CDH18: variants seen among roughly 807,000 people sequenced by gnomAD.
The protein encoded by CDH18 is cadherin-18.
A neutral mutation model predicts 67.9 loss-of-function variants in CDH18; 31 were observed. The ratio of observed to expected loss-of-function variants is 0.46; its 90% CI spans 0.34 to 0.62. The LOEUF is 0.62. Among genes scored for constraint, CDH18 ranks in the 20% least tolerant of loss-of-function variants. CDH18 has a pLI of 0.01. For missense variants in CDH18, 890 were observed against 975.5 expected, an observed-to-expected ratio of 0.91 and a Z score of 1.17; for synonymous variants, 362 against 347.2, an observed-to-expected ratio of 1.04 and a Z score of -0.48.
chr5:20,491,612 G>A (rs556124070), intron 1 of CDH18, among the ~76,000 whole-genome samples: 2 of 152,278 alleles, frequency 1.3e-5, no homozygotes, highest in East Asian at 3.9e-4. Flanking sequence ...TGTAGGACAA[G>A]TCCAAAGAGC....
chr5:20,316,050 T>G (rs184540170), intron 1 of CDH18, among the ~76,000 whole-genome samples: 23 of 152,240 alleles, frequency 1.5e-4, no homozygotes, highest in African/African-American at 5.3e-4. Flanking sequence ...GAAGACAGCA[T>G]TAATCCTGAC....
chr5:20,331,306 C>T (rs977508154), intron 1 of CDH18: 3 of 152,026 alleles, frequency 2.0e-5, no homozygotes, highest in African/African-American at 7.2e-5. Flanking sequence ...TTATTTTCCC[C>T]TCCCTTCCTT....
intron 2 of CDH18, among the ~76,000 whole-genome samples, chr5:20,040,845 A>T (rs1740356054): frequency 6.6e-6 from 1 of 152,180 alleles, no homozygotes; most frequent in African/African-American, 2.4e-5. Flanking sequence ...GGCTGGGCCA[A>T]TTGATCTCTA....
At chr5:20,545,478 G>T (rs1280082922) in intron 1 of CDH18, among the ~76,000 whole-genome samples, 1 of 152,140 alleles carries the variant, frequency 6.6e-6, no homozygotes, top group Non-Finnish European at 1.5e-5. Context: ...TGAAATCTAG[G>T]CTAAGGTTCC....
intron 2 of CDH18, 93 bp from the exon 3 acceptor site, chr5:19,839,335 T>C (rs916265279): frequency 1.6e-5 from 4 of 243,164 alleles, no homozygotes; most frequent in Non-Finnish European, 3.3e-5. Flanking sequence ...AATGTGATAC[T>C]GATAGGCAAA....
In CDH18 at chr5:20,250,279, AT is replaced by A. The variant is rs199537266; in HGVS notation, c.-518+5164del. On this transcript the variant is annotated intron_variant, in intron 2 of 14. Transcript: ENST00000507958. The stretch of plus-strand genomic sequence containing the variant: ...AGTAATGTTGGAGTCTGACAATTTT[AT>A]TTTTTTTTTTATTTTATTTATTTAT... Among the ~76,000 whole-genome samples the A allele has an allele frequency of 8.0e-3, 886 of 110,976 alleles. 8 individuals are homozygous for A. The highest frequency in any genetic ancestry group is 0.064 in the East Asian group (262 of 4,102). 72.8% of individuals were successfully genotyped at this position (110,976 alleles called of 152,430 possible).
chr5:20,379,650 T>C (rs1743752429), intron 1 of CDH18, among the ~76,000 whole-genome samples: 1 of 152,150 alleles, frequency 6.6e-6, no homozygotes, highest in African/African-American at 2.4e-5. Flanking sequence ...TTAGAGAGAT[T>C]ATTTTAATGT....
intron 1 of CDH18, among the ~76,000 whole-genome samples, chr5:20,405,572 C>A (rs531993025): frequency 8.6e-5 from 13 of 152,000 alleles, no homozygotes; most frequent in Admixed American, 3.3e-4. Context: ...GCAACAAAAG[C>A]CAAAATTGAC....
chr5:19,732,881 T>C (rs1767805527), intron 4 of CDH18, among the ~76,000 whole-genome samples: 1 of 152,208 alleles, frequency 6.6e-6, no homozygotes, highest in African/African-American at 2.4e-5. Context: ...TTGTTTCTTC[T>C]CACCTACAGG....
At chr5:19,719,781 T>C (rs981297160) in intron 5 of CDH18, among the ~76,000 whole-genome samples, 1 of 152,050 alleles carries the variant, frequency 6.6e-6, no homozygotes, top group Non-Finnish European at 1.5e-5. Flanking sequence ...TATTTATATA[T>C]ATTCATGTGT....
In CDH18 at chr5:19,853,889, G is replaced by A. The variant is rs549392567; in HGVS notation, c.-256-14647C>T. 3.9e-5 allele frequency among the ~76,000 whole-genome samples: 6 copies of A among 152,122 alleles called. No individual in the cohort carries two copies. The South Asian group carries it at 6.2e-4, about 16-fold the overall frequency. On this transcript the variant is annotated intron_variant, in intron 2 of 12. Transcript: ENST00000382275. ...AACTATAAATATATGAGGGTGGATC[G>A]TGGGAGAACTCCTTTTTTAGCCTAT...
At chr5:20,143,460 T>C (rs949513436) in intron 2 of CDH18, among the ~76,000 whole-genome samples, 3 of 152,072 alleles carry the variant, frequency 2.0e-5, no homozygotes, top group African/African-American at 7.2e-5. Flanking sequence ...CTCAAACTCC[T>C]GGGCTCAAGT....
chr5:20,479,851 A>G (rs1199013007), intron 1 of CDH18, among the ~76,000 whole-genome samples: 2 of 152,194 alleles, frequency 1.3e-5, no homozygotes, highest in African/African-American at 4.8e-5. Context: ...TAAATAATCA[A>G]AGGTCATGAT....
chr5:20,368,692 T>A, intron 1 of CDH18, among the ~76,000 whole-genome samples: 1 of 152,154 alleles, frequency 6.6e-6, no homozygotes, highest in East Asian at 1.9e-4. Flanking sequence ...CATCTAACTT[T>A]GGCACAAAAA....
intron 9 of CDH18, among the ~76,000 whole-genome samples, chr5:19,524,381 A>G (rs1747408099): frequency 6.6e-6 from 1 of 150,790 alleles, no homozygotes; most frequent in Non-Finnish European, 1.5e-5. Flanking sequence ...ATGTTTACTT[A>G]TCATGAAAAT....
intron 1 of CDH18, among the ~76,000 whole-genome samples, chr5:20,513,192 T>C: frequency 6.6e-6 from 1 of 152,164 alleles, no homozygotes; most frequent in Admixed American, 6.5e-5. Context: ...GTGGAGAGAA[T>C]CTGAGATTCC....
chr5:20,091,043 C>G (rs531318201), intron 2 of CDH18, among the ~76,000 whole-genome samples: 1 of 149,922 alleles, frequency 6.7e-6, no homozygotes, highest in Admixed American at 6.6e-5. Flanking sequence ...GAATGAGAAC[C>G]TGTCTCCAAA....
rs1279522598 is a variant in CDH18 at position 20,522,216 on chromosome 5, ATC to A, written c.-580+53244_-580+53245del. Among the ~76,000 whole-genome samples, 110 of 58,270 alleles carry A rather than the reference ATC, an allele frequency of 1.9e-3. 1 individual carries two copies. Among genetic ancestry groups the A allele is most frequent in the African/African-American group, 4.0e-3 (110 of 27,694 alleles). 38.2% of individuals were successfully genotyped at this position (58,270 alleles called of 152,430 possible). A position where few individuals can be genotyped will look rare whatever the true frequency, so the allele number is the denominator to read the frequency against. ...AGTAACCAAACCTGCTGACACTTTGATCTTGAACTCCTAGCCTTCACTATGAG... is the reference window on the plus strand; with the variant it reads ...AGTAACCAAACCTGCTGACACTTTGATTGAACTCCTAGCCTTCACTATGAG... On this transcript the variant is annotated intron_variant, in intron 1 of 14. Transcript: ENST00000507958.
chr5:19,884,063 T>C (rs1055106148), intron 2 of CDH18, among the ~76,000 whole-genome samples: 1 of 152,162 alleles, frequency 6.6e-6, no homozygotes. Flanking sequence ...TGTTGAAATG[T>C]ATAATCTTTA....
Sources: gnomAD v4.1 joint callset for allele counts (sites outside exome capture counted in the v4.1 genomes callset) on GRCh38, gnomAD v4.1.1 for gene constraint, MANE v1.5 for transcripts, NCBI Gene and HGNC (gene_info 2026-07-23, HGNC 2026-07-21) for gene names.